Variants in STAG1 observed in about 807,000 individuals in gnomAD.
STAG1 encodes the protein STAG1 cohesin complex component.
Under a neutral mutation model 170.9 loss-of-function variants are expected in STAG1, and 26 were observed. The ratio of observed to expected loss-of-function variants is 0.15; its 90% CI spans 0.11 to 0.21. STAG1 has a LOEUF of 0.21. STAG1 is among the 10% of genes least tolerant of loss of function. The pLI, the probability that STAG1 is intolerant of heterozygous loss-of-function variation, is 1.00. For missense variants in STAG1, 964 were observed against 1,509.5 expected (o/e 0.64, Z 5.99); for synonymous variants, 514 against 497.7 (o/e 1.03, Z -0.44).
intron 5 of STAG1, among the ~76,000 whole-genome samples, chr3:136,550,932 T>C (rs1330577737): frequency 3.9e-5 from 6 of 152,128 alleles, no homozygotes; most frequent in Admixed American, 3.9e-4. Flanking sequence ...AATTGCCATC[T>C]TCATCATATA....
Position 136,512,634 on chromosome 3 carries a change from G to A in STAG1, c.676+8579C>T, listed in dbSNP as rs572656317. ...TTCTTCATTCTATCTAACTCCAAAA[G>A]AGCAGACAGCAGCCAAGCTTAAGTG... On this transcript the variant is annotated intron_variant, in intron 7 of 33. Transcript: ENST00000383202. Among the ~76,000 whole-genome samples, 11 of 152,104 alleles carry A rather than the reference G, an allele frequency of 7.2e-5. 1 individual carries two copies. The South Asian group carries it at 2.3e-3, about 32-fold the overall frequency.
At chr3:136,699,556 T>A (rs556622369) in intron 1 of STAG1, among the ~76,000 whole-genome samples, 3 of 152,186 alleles carry the variant, frequency 2.0e-5, no homozygotes, top group African/African-American at 4.8e-5. Flanking sequence ...AATTTATTTT[T>A]TTTTTTTTTA....
chr3:136,393,988 G>A (rs542227500), intron 22 of STAG1, among the ~76,000 whole-genome samples: 33 of 152,148 alleles, frequency 2.2e-4, no homozygotes, highest in African/African-American at 7.2e-4. Context: ...TGCAACCTCC[G>A]CCTCCTGGGT....
At chr3:136,650,625 G>C (rs747198949) in intron 1 of STAG1, among the ~76,000 whole-genome samples, 2 of 152,188 alleles carry the variant, frequency 1.3e-5, no homozygotes, top group Non-Finnish European at 2.9e-5. Flanking sequence ...GGGAACTTAA[G>C]ATTTCATTTT....
intron 6 of STAG1, among the ~76,000 whole-genome samples, chr3:136,528,847 T>C (rs1935214367): frequency 6.6e-6 from 1 of 151,850 alleles, no homozygotes; most frequent in Non-Finnish European, 1.5e-5. Context: ...GGAGAATCAC[T>C]TGAGCCCAGG....
At chr3:136,448,051 TGAC>T (rs2088835257) in intron 14 of STAG1, among the ~76,000 whole-genome samples, 1 of 152,178 alleles carries the variant, frequency 6.6e-6, no homozygotes, top group Admixed American at 6.6e-5. Context: ...CTGAAATCAA[TGAC>T]TGTCACAGGT....
intron 16 of STAG1, 45 bp from the exon 17 acceptor site, chr3:136,423,089 T>C (rs768731214): frequency 7.4e-7 from 1 of 1,346,348 alleles, no homozygotes; most frequent in Non-Finnish European, 1.0e-6. Context: ...TGTTAAATTA[T>C]AAATCCAAAC....
intron 4 of STAG1, among the ~76,000 whole-genome samples, chr3:136,578,738 A>C (rs1482551128): frequency 2.0e-5 from 3 of 152,338 alleles, no homozygotes; most frequent in South Asian, 4.2e-4. Flanking sequence ...AGGGGCTTAC[A>C]GTGGTCAGGT....
intron 6 of STAG1, among the ~76,000 whole-genome samples, chr3:136,538,754 C>A (rs564436784): frequency 1.3e-5 from 2 of 151,960 alleles, no homozygotes; most frequent in African/African-American, 4.8e-5. Context: ...TCCTCTCGTA[C>A]GTTAAAAACT....
rs546593893 is a variant in STAG1 at position 136,682,443 on chromosome 3, T to A, written c.-83-51462A>T. Among the ~76,000 whole-genome samples, 1,041 of 137,248 alleles carry A rather than the reference T, an allele frequency of 7.6e-3. 16 individuals carry two copies. The highest frequency in any genetic ancestry group is 0.024 in the African/African-American group (926 of 38,806). 90.0% of individuals were successfully genotyped at this position (137,248 alleles called of 152,430 possible). A position where few individuals can be genotyped will look rare whatever the true frequency, so the allele number is the denominator to read the frequency against. ...CTGTTTCACAAAATTAAAAAAAAAA[T>A]AAAATATATATATATATATACACAT... On this transcript the variant is annotated intron_variant, in intron 1 of 33. Coordinates refer to ENST00000383202, the MANE Select transcript of STAG1 (RefSeq NM_005862.3).
At chr3:136,688,782 G>A (rs1041911312) in intron 1 of STAG1, among the ~76,000 whole-genome samples, 1 of 152,176 alleles carries the variant, frequency 6.6e-6, no homozygotes, top group African/African-American at 2.4e-5. Flanking sequence ...AAAGCAGAGT[G>A]ACCTAAATGT....
intron 15 of STAG1, among the ~76,000 whole-genome samples, chr3:136,440,768 C>CTACTTGA (rs914990419): frequency 4.6e-5 from 7 of 151,678 alleles, no homozygotes; most frequent in African/African-American, 1.7e-4. Context: ...GGTGGGAGGA[C>CTACTTGA]TACTTGAGCC....
intron 15 of STAG1, among the ~76,000 whole-genome samples, chr3:136,436,749 T>C (rs1438727226): frequency 6.6e-6 from 1 of 152,218 alleles, no homozygotes; most frequent in South Asian, 2.1e-4. Context: ...CATTGATTAT[T>C]TTAAACTAAG....
At chr3:136,408,854 T>C (rs1018072420) in intron 21 of STAG1, among the ~76,000 whole-genome samples, 4 of 152,166 alleles carry the variant, frequency 2.6e-5, no homozygotes, top group Non-Finnish European at 5.9e-5. Flanking sequence ...GGTTTTTATA[T>C]AGTATGATCA....
chr3:136,539,870 CTT>C (rs1360691435), intron 6 of STAG1, among the ~76,000 whole-genome samples: 1 of 152,150 alleles, frequency 6.6e-6, no homozygotes, highest in Non-Finnish European at 1.5e-5. Context: ...TTTTAGATCA[CTT>C]TACTGAAAAT....
chr3:136,441,492 A>C (rs1158380081), intron 15 of STAG1, among the ~76,000 whole-genome samples: 1 of 152,262 alleles, frequency 6.6e-6, no homozygotes, highest in Non-Finnish European at 1.5e-5. Context: ...ATAAATTAGA[A>C]AAAAGTTTTT....
Position 136,503,514 on chromosome 3 carries a change from T to C in STAG1, c.677-735A>G, listed in dbSNP as rs80133149. On this transcript the variant is annotated intron_variant, in intron 7 of 33. Transcript: ENST00000383202. ...TGTCTGTTCATATTTGTTTTCATCA[T>C]TGAGATAGTGAGAATATGGGAAATA... Among the ~76,000 whole-genome samples, 1,152 of 151,928 alleles carry C rather than the reference T, an allele frequency of 7.6e-3. 18 individuals are homozygous for C. Among genetic ancestry groups the C allele is most frequent in the African/African-American group, 0.027 (1,097 of 41,216 alleles).
At chr3:136,605,354 T>G (rs1300482145) in intron 3 of STAG1, among the ~76,000 whole-genome samples, 1 of 152,196 alleles carries the variant, frequency 6.6e-6, no homozygotes, top group Non-Finnish European at 1.5e-5. Context: ...AAGGATCATT[T>G]GAAAAAATTG....
chr3:136,738,429 TAC>T (rs1388081103), intron 1 of STAG1, among the ~76,000 whole-genome samples: 6 of 152,186 alleles, frequency 3.9e-5, no homozygotes, highest in African/African-American at 1.4e-4. Flanking sequence ...AGGCACAGGC[TAC>T]AGTGAGCCAA....
Sources: allele counts gnomAD v4.1 joint callset (sites outside exome capture counted in the v4.1 genomes callset), GRCh38; gene constraint gnomAD v4.1.1; transcripts MANE v1.5; gene names NCBI Gene and HGNC (gene_info 2026-07-23, HGNC 2026-07-21).